The following CAMK1D variants were observed in gnomAD, a reference collection of about 807,000 sequenced individuals.
CAMK1D encodes the protein calcium/calmodulin dependent protein kinase ID, also known as calcium/calmodulin-dependent protein kinase type 1D.
A neutral mutation model predicts 47.7 loss-of-function variants in CAMK1D; 9 were observed. That is an observed-to-expected ratio of 0.19 (90% CI 0.11 to 0.33). The LOEUF (loss-of-function observed/expected upper bound fraction) is 0.33, where lower values mean the gene tolerates loss of function less well. Among genes scored for constraint, CAMK1D ranks in the 10% least tolerant of loss-of-function variants. The pLI is 1.00. For missense variants in CAMK1D, 291 were observed against 488.7 expected (o/e 0.60, Z 3.81); for synonymous variants, 184 against 184.9 (o/e 0.99, Z 0.04).
chr10:12,452,774 C>T (rs992815752), intron 1 of CAMK1D, among the ~76,000 whole-genome samples: 2 of 151,912 alleles, frequency 1.3e-5, no homozygotes, highest in African/African-American at 2.4e-5. Context: ...TTAGTATAGA[C>T]GGGGTTTCAC....
rs377597383 is a variant in CAMK1D at position 12,834,041 on chromosome 10, T to C, written c.*5154T>C. 5.3e-5 allele frequency: 8 copies of C among 152,102 alleles called. No homozygotes were observed. Among genetic ancestry groups the C allele is most frequent in the African/African-American group, 1.9e-4 (8 of 41,386 alleles). 9.4% of individuals were successfully genotyped at this position (152,102 alleles called of 1,614,324 possible). ...CATTTGCAAAAGATATTCCAGTCTT[T>C]CGATGTTCAGAATTGAAAATGTGGA... is the stretch of plus-strand genomic sequence containing the variant. On this transcript the variant is annotated 3_prime_UTR_variant, in exon 11 of 11. Transcript: ENST00000619168.
intron 1 of CAMK1D, among the ~76,000 whole-genome samples, chr10:12,351,838 C>T (rs1837363194): frequency 6.6e-6 from 1 of 152,178 alleles, no homozygotes; most frequent in Admixed American, 6.6e-5. Context: ...CTCTTAGGGT[C>T]CTAAAGCATT....
intron 3 of CAMK1D, among the ~76,000 whole-genome samples, chr10:12,672,552 G>A (rs57644525): frequency 2.0e-5 from 3 of 151,562 alleles, no homozygotes; most frequent in African/African-American, 4.8e-5. Flanking sequence ...TGTATTTTTC[G>A]TAGAGACAGG....
intron 3 of CAMK1D, among the ~76,000 whole-genome samples, chr10:12,675,608 T>C (rs918864704): frequency 6.6e-6 from 1 of 152,206 alleles, no homozygotes; most frequent in African/African-American, 2.4e-5. Context: ...TACCACTCTT[T>C]TCCAAACCAC....
intron 6 of CAMK1D, among the ~76,000 whole-genome samples, chr10:12,792,416 C>T (rs924018063): frequency 1.1e-4 from 16 of 152,204 alleles, no homozygotes; most frequent in African/African-American, 3.4e-4. Context: ...CAACTTGTTT[C>T]TGCAATTGCT....
chr10:12,709,566 G>C (rs777247522), intron 3 of CAMK1D, among the ~76,000 whole-genome samples: 1 of 152,126 alleles, frequency 6.6e-6, no homozygotes, highest in Non-Finnish European at 1.5e-5. Flanking sequence ...GAAACAGCAA[G>C]AAGCTTTTTC....
intron 6 of CAMK1D, among the ~76,000 whole-genome samples, chr10:12,798,034 G>A (rs935361173): frequency 6.6e-6 from 1 of 152,220 alleles, no homozygotes; most frequent in Non-Finnish European, 1.5e-5. Context: ...CGTGTGGAAT[G>A]CACCAACTTC....
chr10:12,564,089 A>G (rs927806079), intron 2 of CAMK1D, among the ~76,000 whole-genome samples: 2 of 150,946 alleles, frequency 1.3e-5, no homozygotes, highest in African/African-American at 4.9e-5. Flanking sequence ...CTAGATATCT[A>G]TCTAGATAGA....
chr10:12,384,994 A>G (rs187758169), intron 1 of CAMK1D, among the ~76,000 whole-genome samples: 1 of 152,252 alleles, frequency 6.6e-6, no homozygotes, highest in African/African-American at 2.4e-5. Flanking sequence ...AAGAAGGTAC[A>G]TGAAAAGATG....
chr10:12,740,266 C>T (rs1835371747), intron 3 of CAMK1D, among the ~76,000 whole-genome samples: 1 of 152,124 alleles, frequency 6.6e-6, no homozygotes, highest in Admixed American at 6.5e-5. Context: ...ATGACTGTTT[C>T]GTGGAGGTGC....
At chr10:12,714,596 G>A (rs1010599135) in intron 3 of CAMK1D, among the ~76,000 whole-genome samples, 1 of 152,072 alleles carries the variant, frequency 6.6e-6, no homozygotes, top group African/African-American at 2.4e-5. Context: ...GCAGGTGCCT[G>A]TAATCTCATC....
chr10:12,793,423 C>T (rs1286207482), intron 6 of CAMK1D, among the ~76,000 whole-genome samples: 1 of 152,186 alleles, frequency 6.6e-6, no homozygotes, highest in Admixed American at 6.5e-5. Flanking sequence ...TTGACAGATG[C>T]TGCCAGATGT....
At chr10:12,505,261 T>A (rs564203563) in intron 1 of CAMK1D, among the ~76,000 whole-genome samples, 1 of 152,328 alleles carries the variant, frequency 6.6e-6, no homozygotes, top group East Asian at 1.9e-4. Flanking sequence ...AGATGGCTCC[T>A]GGGAGTCTTC....
At chr10:12,661,680 C>T (rs1311532786) in intron 2 of CAMK1D, among the ~76,000 whole-genome samples, 1 of 152,208 alleles carries the variant, frequency 6.6e-6, no homozygotes. Flanking sequence ...TTGCACTTAT[C>T]ACAGAAGAGT....
chr10:12,372,950 G>C (rs1161731819), intron 1 of CAMK1D, among the ~76,000 whole-genome samples: 1 of 152,174 alleles, frequency 6.6e-6, no homozygotes, highest in East Asian at 1.9e-4. Flanking sequence ...TTTAACAGAA[G>C]TGATAGATGG....
intron 1 of CAMK1D, among the ~76,000 whole-genome samples, chr10:12,361,545 CTTTTTTTTTTTTT>C (rs36015215): frequency 1.6e-5 from 1 of 63,090 alleles, no homozygotes; most frequent in Non-Finnish European, 2.8e-5. Context: ...GTGCCTGGCC[CTTTTTTTTTTTTT>C]TTTTTTTTTT....
chr10:12,515,402 C>CTTTTTTTTT (rs772694725), intron 1 of CAMK1D, among the ~76,000 whole-genome samples: 2 of 102,026 alleles, frequency 2.0e-5, no homozygotes, highest in African/African-American at 7.7e-5. Context: ...TTTTCCTTTT[C>CTTTTTTTTT]TTTTTTTTTT....
intron 3 of CAMK1D, among the ~76,000 whole-genome samples, chr10:12,704,626 T>C (rs1833662721): frequency 6.6e-6 from 1 of 152,018 alleles, no homozygotes; most frequent in Non-Finnish European, 1.5e-5. Flanking sequence ...GGGAAGTGGA[T>C]ATTATGGATG....
At chr10:12,628,012 C>T (rs919826830) in intron 2 of CAMK1D, among the ~76,000 whole-genome samples, 4 of 150,966 alleles carry the variant, frequency 2.6e-5, no homozygotes, top group Non-Finnish European at 5.9e-5. Context: ...ACCTGGAAGG[C>T]AGAGGTTGCA....
Sources: allele counts gnomAD v4.1 joint callset (sites outside exome capture counted in the v4.1 genomes callset), GRCh38; gene constraint gnomAD v4.1.1; transcripts MANE v1.5; gene names NCBI Gene and HGNC (gene_info 2026-07-23, HGNC 2026-07-21).